Variants in PREX1 observed in about 807,000 individuals in gnomAD.
PREX1 encodes phosphatidylinositol-3,4,5-trisphosphate dependent Rac exchange factor 1.
In PREX1, 41 loss-of-function variants were observed where a neutral mutation model predicts 198.3. The ratio of observed to expected loss-of-function variants is 0.21; its 90% CI spans 0.16 to 0.27. The LOEUF (loss-of-function observed/expected upper bound fraction) is 0.27. Among genes scored for constraint, PREX1 ranks in the 10% least tolerant of loss-of-function variants. The probability of loss-of-function intolerance (pLI) is 1.00; values close to 1 mark genes in which losing one functional copy is unlikely to be tolerated. For missense variants in PREX1, 1,620 were observed against 2,200.7 expected, an observed-to-expected ratio of 0.74 and a Z score of 5.28; for synonymous variants, 843 against 887.2, an observed-to-expected ratio of 0.95 and a Z score of 0.89.
intron 5 of PREX1, among the ~76,000 whole-genome samples, chr20:48,723,144 C>T (rs1487058356): frequency 6.6e-6 from 1 of 152,226 alleles, no homozygotes; most frequent in Non-Finnish European, 1.5e-5. Flanking sequence ...CCCAAAAAGG[C>T]TTTCATTCTC....
intron 14 of PREX1, among the ~76,000 whole-genome samples, chr20:48,671,391 G>A (rs1460283261): frequency 6.6e-6 from 1 of 152,222 alleles, no homozygotes; most frequent in African/African-American, 2.4e-5. Context: ...GAACAGAAAG[G>A]CAGGAGATGC....
chr20:48,680,195 C>T (rs1366419759), intron 11 of PREX1, among the ~76,000 whole-genome samples: 1 of 152,144 alleles, frequency 6.6e-6, no homozygotes, highest in Admixed American at 6.5e-5. Context: ...CAAAGTCATG[C>T]TTGATGCTTC....
chr20:48,863,586 C>CTTTT, the PREX1 span, among the ~76,000 whole-genome samples: 8 of 104,350 alleles, frequency 7.7e-5, no homozygotes, highest in Non-Finnish European at 1.2e-4. Context: ...TTCATATTGT[C>CTTTT]TTTTTTTTTT....
chr20:48,757,094 A>C (rs1174798217), intron 1 of PREX1, among the ~76,000 whole-genome samples: 2 of 152,114 alleles, frequency 1.3e-5, no homozygotes, highest in Non-Finnish European at 2.9e-5. Context: ...TCAAGGTGAG[A>C]TTTGGGTGGG....
rs774505675 is a variant in PREX1, at chr20:48,653,374, C to T, written c.2333G>A (p.Arg778His). 9.3e-6 allele frequency: 15 copies of T among 1,613,264 alleles called. No individual in the cohort carries two copies. In the South Asian group the frequency reaches 9.9e-5, roughly 11 times the overall value. The change falls in exon 20 of 40, where the codon CGC becomes CAC. Residue 778 changes from arginine to histidine, a missense_variant. Transcript: ENST00000371941. ...LEHFQAFRSR[R>H]EEALGLYQWI... ...CAGTAAACTTACCAGGGCCTCTTCG[C>T]GCCGACTCCGGAATGCCTGGAAGTG...
intron 13 of PREX1, among the ~76,000 whole-genome samples, chr20:48,676,772 G>A (rs1354181438): frequency 6.6e-6 from 1 of 152,214 alleles, no homozygotes; most frequent in African/African-American, 2.4e-5. Context: ...GAGTGGCAGG[G>A]GAGACCCTCC....
At chr20:48,740,120 A>G (rs762375940) in intron 3 of PREX1, among the ~76,000 whole-genome samples, 5 of 152,132 alleles carry the variant, frequency 3.3e-5, no homozygotes, top group Non-Finnish European at 7.4e-5. Context: ...GCCTGTCTGC[A>G]AGAGCTCTGT....
chr20:48,654,121 T>C (rs958884465), intron 19 of PREX1, among the ~76,000 whole-genome samples: 3 of 152,178 alleles, frequency 2.0e-5, no homozygotes, highest in Non-Finnish European at 4.4e-5. Flanking sequence ...GGCTCTGCCA[T>C]AGACCGACCC....
chr20:48,751,627 C>T (rs895630680), intron 1 of PREX1, among the ~76,000 whole-genome samples: 3 of 152,220 alleles, frequency 2.0e-5, no homozygotes, highest in Non-Finnish European at 4.4e-5. Flanking sequence ...CCCTCCAGGG[C>T]GACTCTTCCT....
chr20:48,626,057 G>T, intron 39 of PREX1, 130 bp from the exon 40 acceptor site: 1 of 1,028,684 alleles, frequency 9.7e-7, no homozygotes, highest in Non-Finnish European at 1.4e-6. Context: ...AAAAGATGCA[G>T]AGAAAAATAT....
intron 10 of PREX1, among the ~76,000 whole-genome samples, chr20:48,685,836 G>A (rs551122224): frequency 6.6e-6 from 1 of 152,074 alleles, no homozygotes; most frequent in Admixed American, 6.6e-5. Flanking sequence ...TGAGGCTACA[G>A]TGAGTTATGA....
chr20:48,835,183 G>A, the PREX1 span, among the ~76,000 whole-genome samples: 26 of 152,204 alleles, frequency 1.7e-4, no homozygotes, highest in Admixed American at 1.4e-3. Context: ...TGGGCTGTGG[G>A]AATCTTGTTT....
chr20:48,726,212 A>C, intron 5 of PREX1, 78 bp downstream of exon 5: 1 of 1,232,510 alleles, frequency 8.1e-7, no homozygotes, highest in Non-Finnish European at 1.2e-6. Flanking sequence ...TAGACTTCTC[A>C]GATACTTGAA....
Position 48,636,493 on chromosome 20 carries a change from G to T in PREX1, c.4137C>A (p.His1379Gln). Residue 1379 changes from histidine (H) to glutamine (Q), a missense_variant, in exon 32 of 40, where the codon CAC (histidine) becomes CAA (glutamine). Physicochemically the swap from His to Gln is conservative, Grantham distance 24 (BLOSUM62 0). Around this residue, in one of 7 missense-constraint regions of PREX1, gnomAD observed 476 missense variants for 603.4 expected, o/e 0.79. Coordinates refer to ENST00000371941, the MANE Select transcript of PREX1 (RefSeq NM_020820.4). ...TGGCTGGCGAGAGCAGGGACTGGCA[G>T]TGCAGCAGGACGCCCGTGGCCGCCA... ...EQVAATGVLL[H>Q]CQSLLSPATV... The T allele has an allele frequency of 6.2e-7, 1 of 1,608,614 alleles. No homozygotes were observed. Among genetic ancestry groups the T allele is most frequent in the Non-Finnish European group, 8.5e-7 (1 of 1,179,324 alleles).
At chr20:48,647,484 G>C (rs993555000) in intron 25 of PREX1, among the ~76,000 whole-genome samples, 4 of 139,532 alleles carry the variant, frequency 2.9e-5, no homozygotes, top group African/African-American at 1.1e-4. Context: ...TCACACCACT[G>C]CATTGCAGCC....
Position 48,630,792 on chromosome 20 carries a change from G to T in PREX1, c.4529C>A (p.Ala1510Glu). 6.3e-7 allele frequency: 1 copy of T among 1,576,488 alleles called. No individual in the cohort carries two copies. Among genetic ancestry groups the T allele is most frequent in the Non-Finnish European group, 8.7e-7 (1 of 1,146,132 alleles). Reference sequence around the variant, plus strand: ...CAGGTTAGACCGCTCCAGGTAAAATGCCCTGCGAGAGAAAGATGGGAATGA... The same window carrying T: ...CAGGTTAGACCGCTCCAGGTAAAATTCCCTGCGAGAGAAAGATGGGAATGA... ...KVQQYYRKLR[A>E]FYLERSNLPT... The change falls in exon 36 of 40, where the codon GCA becomes GAA. Residue 1510 changes from alanine to glutamate, a missense_variant and splice_region_variant. Physicochemically the swap from Ala to Glu is moderately radical, Grantham distance 107. Coordinates refer to ENST00000371941, the MANE Select transcript of PREX1 (RefSeq NM_020820.4).
chr20:48,791,681 T>C (rs1389824806), intron 1 of PREX1, among the ~76,000 whole-genome samples: 2 of 152,056 alleles, frequency 1.3e-5, no homozygotes, highest in Non-Finnish European at 2.9e-5. Flanking sequence ...ATGTTTGAAA[T>C]CAAGTTCAGT....
chr20:48,854,639 T>C, the PREX1 span, among the ~76,000 whole-genome samples: 5 of 152,176 alleles, frequency 3.3e-5, no homozygotes, highest in Non-Finnish European at 5.9e-5. Context: ...ACCTCGAAGA[T>C]TAAACTCATT....
At chr20:48,764,464 C>T (rs2090198834) in intron 1 of PREX1, among the ~76,000 whole-genome samples, 1 of 151,914 alleles carries the variant, frequency 6.6e-6, no homozygotes, top group African/African-American at 2.4e-5. Context: ...TGAGGTGGGC[C>T]CAACATAATC....
Sources: gnomAD v4.1 joint callset for allele counts (sites outside exome capture counted in the v4.1 genomes callset) on GRCh38, gnomAD v4.1.1 for gene constraint, gnomAD v4.1.1 regional missense constraint, MANE v1.5 for transcripts, NCBI Gene and HGNC (gene_info 2026-07-23, HGNC 2026-07-21) for gene names.